SHANK2: variants seen among roughly 807,000 people sequenced by gnomAD.
SHANK2 encodes the protein SH3 and multiple ankyrin repeat domains protein 2.
In SHANK2, 43 loss-of-function variants were observed where a neutral mutation model predicts 133.7. The observed-to-expected ratio is 0.32, with a 90% CI of 0.25 to 0.41. The LOEUF is 0.41. Ranked by LOEUF, SHANK2 falls within the 10% of genes least tolerant of loss-of-function variation. The pLI is 1.00. For missense variants in SHANK2, 1,994 were observed against 2,235.8 expected, an observed-to-expected ratio of 0.89 and a Z score of 2.18; for synonymous variants, 1,017 against 952.8, an observed-to-expected ratio of 1.07 and a Z score of -1.24.
intron 14 of SHANK2, among the ~76,000 whole-genome samples, chr11:70,783,347 C>T (rs1555045648): frequency 1.3e-5 from 2 of 152,260 alleles, no homozygotes; most frequent in East Asian, 1.9e-4. Flanking sequence ...ACGTTTACAT[C>T]GAGACACAAG....
intron 15 of SHANK2, among the ~76,000 whole-genome samples, chr11:70,676,865 T>A (rs1412628177): frequency 6.6e-6 from 1 of 152,108 alleles, no homozygotes; most frequent in Non-Finnish European, 1.5e-5. Flanking sequence ...TATTCAACTG[T>A]CCAGAGAAGA....
chr11:70,659,322 G>GGTCT (rs530124144), intron 17 of SHANK2, among the ~76,000 whole-genome samples: 70 of 152,094 alleles, frequency 4.6e-4, no homozygotes, highest in Non-Finnish European at 8.4e-4. Context: ...CGGGCTCCTT[G>GGTCT]GTCTTGGAAG....
chr11:70,836,116 C>T (rs1438172766), intron 11 of SHANK2, among the ~76,000 whole-genome samples: 2 of 152,238 alleles, frequency 1.3e-5, no homozygotes, highest in Admixed American at 1.3e-4. Context: ...CCTTTCACAA[C>T]ATGGCCTGCT....
intron 12 of SHANK2, among the ~76,000 whole-genome samples, chr11:70,816,573 T>C (rs1948402692): frequency 6.6e-6 from 1 of 152,206 alleles, no homozygotes; most frequent in African/African-American, 2.4e-5. Flanking sequence ...CCAGGGCCCG[T>C]TGCCCTAGGA....
rs1269957064 is a variant in SHANK2, at chr11:71,197,019, AC to A, written c.-13+27677del. On this transcript the variant is annotated intron_variant, in intron 2 of 25. Transcript: ENST00000601538. ...TCTCAAAAAAAAAAAAAAAAAAAAA[AC>A]CCATCCCTGCTCTCAGCATTTATTG... Among the ~76,000 whole-genome samples, 3 of 139,100 alleles carry A rather than the reference AC, an allele frequency of 2.2e-5. No individual in the cohort carries two copies. The East Asian group carries it at 6.8e-4, about 31-fold the overall frequency. The allele number at this position is 139,100 out of a possible 152,430, so 91.3% of individuals were successfully genotyped here.
At chr11:70,948,189 G>A (rs1036269966) in intron 10 of SHANK2, 11 of 421,876 alleles carry the variant, frequency 2.6e-5, no homozygotes, top group African/African-American at 8.1e-5. Flanking sequence ...AAGGAAACTC[G>A]CTTCCGCATT....
rs1364591033 is a variant in SHANK2, at chr11:70,641,118, C to T, written c.2061+18710G>A. 1.9e-4 allele frequency among the ~76,000 whole-genome samples: 26 copies of T among 137,642 alleles called. 1 individual carries two copies. The highest frequency in any genetic ancestry group is 5.7e-4 in the African/African-American group (21 of 37,002). 90.3% of individuals were successfully genotyped at this position (137,642 alleles called of 152,430 possible). A position where few individuals can be genotyped will look rare whatever the true frequency, so the allele number is the denominator to read the frequency against. The stretch of plus-strand genomic sequence containing the variant: ...TTTTCTTTTCTTTTTTTTTTTGAGA[C>T]GAAGTCTTGCTGTGTTGCCCAGGCT... On this transcript the variant is annotated intron_variant, in intron 17 of 25. Coordinates refer to ENST00000601538, the MANE Select transcript of SHANK2 (RefSeq NM_012309.5).
At chr11:70,748,971 A>G (rs1294496503) in intron 14 of SHANK2, among the ~76,000 whole-genome samples, 1 of 149,736 alleles carries the variant, frequency 6.7e-6, no homozygotes, top group Non-Finnish European at 1.5e-5. Flanking sequence ...TACACAACAG[A>G]AACAATAACG....
At position 71,223,192 on chromosome 11, in the gene SHANK2, G is replaced by A. The variant is rs553021130; in HGVS notation, c.-13+1505C>T. 2.4e-4 allele frequency among the ~76,000 whole-genome samples: 37 copies of A among 152,348 alleles called. No homozygotes were observed. The South Asian group carries it at 5.6e-3, about 23-fold the overall frequency. ...ACAGGAAAACCAGGCAGGTGAGGCC[G>A]CCCAACTGCGATGGTGGCCAGGACC... is the stretch of plus-strand genomic sequence containing the variant. On this transcript the variant is annotated intron_variant, in intron 2 of 25. Transcript: ENST00000601538.
At chr11:70,567,519 C>T (rs974128351) in intron 17 of SHANK2, among the ~76,000 whole-genome samples, 1 of 151,814 alleles carries the variant, frequency 6.6e-6, no homozygotes, top group Admixed American at 6.6e-5. Context: ...CCCAGATACT[C>T]GGGAGGCTGA....
At chr11:71,250,523 G>T (rs1393121867) in intron 1 of SHANK2, among the ~76,000 whole-genome samples, 2 of 152,180 alleles carry the variant, frequency 1.3e-5, no homozygotes, top group Non-Finnish European at 2.9e-5. Context: ...CTTTCCCTCA[G>T]AATTAACACT....
intron 14 of SHANK2, among the ~76,000 whole-genome samples, chr11:70,789,084 A>G (rs1555047352): frequency 6.6e-6 from 1 of 152,164 alleles, no homozygotes; most frequent in African/African-American, 2.4e-5. Context: ...GAGTGGCTGG[A>G]AAGGAGAGTC....
At chr11:70,690,730 T>C (rs559182026) in intron 15 of SHANK2, among the ~76,000 whole-genome samples, 163 of 146,424 alleles carry the variant, frequency 1.1e-3, no homozygotes, top group African/African-American at 4.0e-3. Flanking sequence ...TACCAAAGGG[T>C]CGAGTGATAG....
Position 71,223,246 on chromosome 11 carries a change from C to T in SHANK2, c.-13+1451G>A, listed in dbSNP as rs79486417. Among the ~76,000 whole-genome samples the T allele has an allele frequency of 2.2e-3, 331 of 152,304 alleles. 1 individual carries two copies. The highest frequency in any genetic ancestry group is 7.0e-3 in the African/African-American group (292 of 41,566). ...GTAGTCCTGCATGGGGCCGTGACTC[C>T]GACATTCTGCTCCTGCCTGCCGCGT... is the stretch of plus-strand genomic sequence containing the variant. On this transcript the variant is annotated intron_variant, in intron 2 of 25. Transcript: ENST00000601538.
chr11:71,118,049 G>A (rs2135262314), intron 4 of SHANK2, among the ~76,000 whole-genome samples: 1 of 152,262 alleles, frequency 6.6e-6, no homozygotes, highest in South Asian at 2.1e-4. Context: ...GAGAGGTGGA[G>A]AAGGAAAATA....
At chr11:71,140,905 C>T (rs1555105663) in intron 3 of SHANK2, among the ~76,000 whole-genome samples, 2 of 152,218 alleles carry the variant, frequency 1.3e-5, no homozygotes. Flanking sequence ...CAGCCCAGTA[C>T]CAAGCAGTTG....
At chr11:70,570,398 T>C (rs1405864098) in intron 17 of SHANK2, among the ~76,000 whole-genome samples, 3 of 152,302 alleles carry the variant, frequency 2.0e-5, no homozygotes, top group Non-Finnish European at 2.9e-5. Flanking sequence ...CCAGGATGGA[T>C]ACTGTCTGGC....
At chr11:70,730,088 C>T (rs529405112) in intron 14 of SHANK2, among the ~76,000 whole-genome samples, 1 of 152,134 alleles carries the variant, frequency 6.6e-6, no homozygotes, top group African/African-American at 2.4e-5. Flanking sequence ...ACGTGAAGCT[C>T]TTAGAAGGGC....
At chr11:71,199,591 C>G (rs1018148179) in intron 2 of SHANK2, among the ~76,000 whole-genome samples, 2 of 152,222 alleles carry the variant, frequency 1.3e-5, no homozygotes, top group East Asian at 1.9e-4. Context: ...CCGCAGCCCA[C>G]GCAAAGCAGC....
Sources: gnomAD v4.1 joint callset for allele counts (sites outside exome capture counted in the v4.1 genomes callset) on GRCh38, gnomAD v4.1.1 for gene constraint, MANE v1.5 for transcripts, NCBI Gene and HGNC (gene_info 2026-07-23, HGNC 2026-07-21) for gene names.